Variants in CCDC138 observed in about 807,000 individuals in gnomAD.
CCDC138 encodes the protein coiled-coil domain containing 138.
In CCDC138, 66 loss-of-function variants were observed where a neutral mutation model predicts 82.3. That is an observed-to-expected ratio of 0.80 (90% CI 0.66 to 0.98). The LOEUF (loss-of-function observed/expected upper bound fraction) is 0.98, where lower values mean the gene tolerates loss of function less well. CCDC138 is among the 50% of genes least tolerant of loss of function. The pLI is 0.00. For missense variants in CCDC138, 816 were observed against 758.9 expected (o/e 1.08, Z -0.88); for synonymous variants, 297 against 265.4 (o/e 1.12, Z -1.16).
At chr2:108,787,952 T>C (rs1679184951) in intron 1 of CCDC138, 80 bp from the exon 2 acceptor site, 7 of 1,167,186 alleles carry the variant, frequency 6.0e-6, no homozygotes, top group South Asian at 2.9e-5. Context: ...TTGTAATTAA[T>C]ACATAATTTG....
downstream of CCDC138, among the ~76,000 whole-genome samples, chr2:108,879,076 A>C (rs1460380644): frequency 1.3e-5 from 2 of 152,238 alleles, no homozygotes; most frequent in Non-Finnish European, 2.9e-5. Context: ...ACTGTTCTCT[A>C]GGAAAAGATC....
At chr2:108,860,959 G>GTTTTTTT (rs1693499533) in intron 13 of CCDC138, among the ~76,000 whole-genome samples, 1 of 10,180 alleles carries the variant, frequency 9.8e-5, no homozygotes, top group South Asian at 2.6e-3. Flanking sequence ...TTTTTTTTTT[G>GTTTTTTT]GTTGGTAAGG....
At chr2:108,871,379 A>T (rs1695218248) in intron 13 of CCDC138, among the ~76,000 whole-genome samples, 1 of 149,742 alleles carries the variant, frequency 6.7e-6, no homozygotes, top group Non-Finnish European at 1.5e-5. Flanking sequence ...TTAAAAAAAA[A>T]AAAAAAAAAA....
At chr2:108,846,316 A>G (rs368125361) in intron 11 of CCDC138, among the ~76,000 whole-genome samples, 23 of 152,344 alleles carry the variant, frequency 1.5e-4, no homozygotes, top group African/African-American at 5.1e-4. Flanking sequence ...CCAATTTTAC[A>G]TATTTTCAAC....
chr2:108,807,965 T>C (rs1367561111), intron 7 of CCDC138, among the ~76,000 whole-genome samples: 1 of 152,182 alleles, frequency 6.6e-6, no homozygotes, highest in Non-Finnish European at 1.5e-5. Context: ...ATTCCTTCCT[T>C]TCCACAGCCA....
chr2:108,876,229 C>T lies in CCDC138; in HGVS notation c.1974C>T (p.Ser658=). The part of the protein sequence containing the change: ...LFNLGLTKCN[S]LVSSASP ...ATCTGGGTTTAACAAAATGTAACTC[C>T]CTGGTCTCCAGTGCAAGCCCTTAGA... The change falls in exon 15 of 15, where the codon TCC becomes TCT. Residue 658 remains serine (S), a synonymous_variant. Coordinates refer to ENST00000295124, the MANE Select transcript of CCDC138 (RefSeq NM_144978.3). The T allele has an allele frequency of 1.9e-6, 3 of 1,611,892 alleles. No individual in the cohort carries two copies. The highest frequency in any genetic ancestry group is 2.5e-6 in the Non-Finnish European group (3 of 1,178,674).
rs1680038473 is a variant in CCDC138, at chr2:108,792,326, C to T, written c.394+524C>T. On this transcript the variant is annotated intron_variant, in intron 4 of 14. Coordinates refer to ENST00000295124, the MANE Select transcript of CCDC138 (RefSeq NM_144978.3). ...TCCTCTTTTCCCTCTCCTTTGTTTTCCTTTGTCCCATTATTCTCATCATTT... is the reference window on the plus strand; with the variant it reads ...TCCTCTTTTCCCTCTCCTTTGTTTTTCTTTGTCCCATTATTCTCATCATTT... Among the ~76,000 whole-genome samples the T allele has an allele frequency of 2.6e-5, 4 of 152,188 alleles. No individual in the cohort carries two copies. In the South Asian group the frequency reaches 6.2e-4, roughly 24 times the overall value.
rs574761772 is a variant in CCDC138 at position 108,839,265 on chromosome 2, A to G, written c.1287A>G (p.Ile429Met). Residue 429 changes from isoleucine (I) to methionine (M), a missense_variant, in exon 11 of 15, where the codon ATA (isoleucine) becomes ATG (methionine). By Grantham distance (10) the Ile-to-Met change is conservative. Transcript: ENST00000295124. ...TTCACGAGCCTTTTGTAAAATTTAT[A>G]TATTGGTCCCTAAGGCAGCTAGATG... is the stretch of plus-strand genomic sequence containing the variant. ...IKLHEPFVKF[I>M]YWSLRQLDAG... The G allele has an allele frequency of 1.6e-5, 26 of 1,612,808 alleles. No homozygotes were observed. The Middle Eastern group carries it at 1.8e-3, about 113-fold the overall frequency.
intron 9 of CCDC138, 63 bp from the exon 10 acceptor site, chr2:108,815,878 G>A (rs1441240466): frequency 7.4e-7 from 1 of 1,357,116 alleles, no homozygotes; most frequent in African/African-American, 1.5e-5. Context: ...CAAATTTAAG[G>A]TTTGTCTTTG....
chr2:108,793,073 C>A (rs1462168473), intron 4 of CCDC138, among the ~76,000 whole-genome samples: 3 of 137,146 alleles, frequency 2.2e-5, no homozygotes, highest in Admixed American at 7.4e-5. Flanking sequence ...AAAAAAAAAG[C>A]AAGGCCGGGC....
At chr2:108,873,420 A>C in intron 13 of CCDC138, 31 bp from the exon 14 acceptor site, 1 of 1,524,512 alleles carries the variant, frequency 6.6e-7, no homozygotes, top group South Asian at 1.4e-5. Flanking sequence ...GCTACTCCCT[A>C]ATAGTAAAGC....
At chr2:108,874,510 T>C (rs1695734158) in intron 14 of CCDC138, among the ~76,000 whole-genome samples, 1 of 152,204 alleles carries the variant, frequency 6.6e-6, no homozygotes, top group African/African-American at 2.4e-5. Flanking sequence ...AACAGTAACA[T>C]TTTTATTTTG....
Position 108,876,246 on chromosome 2 carries a change from G to A in CCDC138, c.1991G>A (p.Ser664Asn). 6.3e-7 allele frequency: 1 copy of A among 1,584,456 alleles called. No homozygotes were observed. The highest frequency in any genetic ancestry group is 8.6e-7 in the Non-Finnish European group (1 of 1,166,364). The stretch of plus-strand genomic sequence containing the variant: ...TGTAACTCCCTGGTCTCCAGTGCAA[G>A]CCCTTAGACTGGCTAATTTTTTAAT... ...TKCNSLVSSA[S>N]P is the part of the protein sequence containing the mutation. Residue 664 changes from serine (S) to asparagine (N), a missense_variant, in exon 15 of 15, where the codon AGC becomes AAC. Transcript: ENST00000295124.
At chr2:108,877,423 G>T (rs545022495), downstream of CCDC138, among the ~76,000 whole-genome samples, 17 of 152,082 alleles carry the variant, frequency 1.1e-4, no homozygotes, top group Non-Finnish European at 2.5e-4. Flanking sequence ...CCAAGATCAC[G>T]CCATTGCACT....
At chr2:108,793,095 T>C (rs1234722490) in intron 4 of CCDC138, among the ~76,000 whole-genome samples, 5 of 125,454 alleles carry the variant, frequency 4.0e-5, no homozygotes, top group Middle Eastern at 6.2e-3. Context: ...CGGTGGCTCG[T>C]GCCTGTAATC....
At chr2:108,786,938 G>A (rs776748678) in intron 1 of CCDC138, 23 bp downstream of exon 1, 5 of 1,478,098 alleles carry the variant, frequency 3.4e-6, no homozygotes, top group Non-Finnish European at 4.5e-6. Context: ...CCTGAGGTCC[G>A]CGGGTGGGCT....
intron 2 of CCDC138, 64 bp from the exon 3 acceptor site, chr2:108,788,788 C>T (rs1679400523): frequency 2.5e-6 from 4 of 1,597,908 alleles, no homozygotes; most frequent in Middle Eastern, 3.6e-4. Flanking sequence ...GACTTATGGC[C>T]AGTGCCAGAT....
At chr2:108,786,973 C>T (rs1678915275) in intron 1 of CCDC138, 58 bp downstream of exon 1, 3 of 1,218,790 alleles carry the variant, frequency 2.5e-6, no homozygotes, top group Non-Finnish European at 3.2e-6. Context: ...GCGGCCCGCT[C>T]CGTGCCCCGC....
intron 10 of CCDC138, among the ~76,000 whole-genome samples, chr2:108,818,914 A>G (rs1483259346): frequency 6.6e-6 from 1 of 152,054 alleles, no homozygotes; most frequent in Non-Finnish European, 1.5e-5. Flanking sequence ...AGTAAATTTG[A>G]TATACTGGGT....
Sources: gnomAD v4.1 joint callset for allele counts (sites outside exome capture counted in the v4.1 genomes callset) on GRCh38, gnomAD v4.1.1 for gene constraint, MANE v1.5 for transcripts, NCBI Gene and HGNC (gene_info 2026-07-23, HGNC 2026-07-21) for gene names.